Variants in MCC observed in about 807,000 individuals in gnomAD.
MCC encodes MCC regulator of Wnt signaling pathway, also known as colorectal mutant cancer protein.
MCC carries 90 observed loss-of-function variants against 116.2 expected under a neutral mutation model. The observed-to-expected ratio is 0.77, with a 90% confidence interval of 0.65 to 0.92. MCC has a LOEUF of 0.92. Ranked by LOEUF, MCC falls within the 40% of genes least tolerant of loss-of-function variation. The pLI, the probability that MCC is intolerant of heterozygous loss-of-function variation, is 0.00. For missense variants in MCC, 1,516 were observed against 1,312.2 expected, an observed-to-expected ratio of 1.16 and a Z score of -2.40; for synonymous variants, 578 against 510.5, an observed-to-expected ratio of 1.13 and a Z score of -1.78.
At chr5:113,073,957 G>T (rs1456311053) in intron 11 of MCC, among the ~76,000 whole-genome samples, 2 of 152,228 alleles carry the variant, frequency 1.3e-5, no homozygotes, top group African/African-American at 4.8e-5. Flanking sequence ...TGGGGGCAGG[G>T]CATAGCTGAA....
intron 5 of MCC, among the ~76,000 whole-genome samples, chr5:113,132,429 T>TATATATATATAC (rs1391978990): frequency 3.0e-4 from 4 of 13,444 alleles, no homozygotes; most frequent in African/African-American, 3.6e-4. Flanking sequence ...CACACATACA[T>TATATATATATAC]ATATATATAT....
chr5:113,399,583 A>G (rs1320513341), intron 1 of MCC, among the ~76,000 whole-genome samples: 2 of 152,174 alleles, frequency 1.3e-5, no homozygotes, highest in Non-Finnish European at 2.9e-5. Flanking sequence ...TTTTCCCCTC[A>G]GAACATAAAA....
At chr5:113,115,334 C>A (rs1757337064) in intron 6 of MCC, among the ~76,000 whole-genome samples, 1 of 152,222 alleles carries the variant, frequency 6.6e-6, no homozygotes. Context: ...GCCACCCCAC[C>A]ACATTCTGAC....
chr5:113,024,852 G>C lies in MCC; in HGVS notation c.*2450C>G, dbSNP rs888693327. On this transcript the variant is annotated 3_prime_UTR_variant, in exon 19 of 19. Transcript: ENST00000408903. ...GGAGTATTTGAAAAATACAAGAAAA[G>C]GAAAAACTTTTATAGCTTTTTTATT... is the stretch of plus-strand genomic sequence containing the variant. 1.3e-5 allele frequency: 2 copies of C among 151,964 alleles called. No homozygotes were observed. The highest frequency in any genetic ancestry group is 4.8e-5 in the African/African-American group (2 of 41,362). 9.4% of individuals were successfully genotyped at this position (151,964 alleles called of 1,614,324 possible). A position where few individuals can be genotyped will look rare whatever the true frequency, so the allele number is the denominator to read the frequency against.
At chr5:113,184,339 C>T (rs1243717213) in intron 3 of MCC, among the ~76,000 whole-genome samples, 1 of 152,182 alleles carries the variant, frequency 6.6e-6, no homozygotes, top group African/African-American at 2.4e-5. Flanking sequence ...ATATGCTAAG[C>T]ATAACTTATT....
At position 113,424,719 on chromosome 5, in the gene MCC, A is replaced by T. The variant is rs140286125; in HGVS notation, c.171-39507T>A. On this transcript the variant is annotated intron_variant, in intron 1 of 18. Transcript: ENST00000408903. ...TAGAGTGAGACTCCATCTCAAAAAAATTTTTTTTAAATTAAAAAATTAGAA... is the reference window on the plus strand; with the variant it reads ...TAGAGTGAGACTCCATCTCAAAAAATTTTTTTTTAAATTAAAAAATTAGAA... Among the ~76,000 whole-genome samples the T allele has an allele frequency of 1.4e-3, 209 of 152,214 alleles. 1 individual carries two copies. Among genetic ancestry groups the T allele is most frequent in the Middle Eastern group, 0.014 (4 of 294 alleles).
At chr5:113,183,479 T>G (rs1371467823) in intron 3 of MCC, among the ~76,000 whole-genome samples, 1 of 152,076 alleles carries the variant, frequency 6.6e-6, no homozygotes, top group African/African-American at 2.4e-5. Context: ...TGGCCTCTAA[T>G]GGAAACATGG....
intron 3 of MCC, among the ~76,000 whole-genome samples, chr5:113,275,974 T>TG (rs1282343867): frequency 3.9e-4 from 59 of 149,770 alleles, no homozygotes; most frequent in African/African-American, 1.3e-3. Flanking sequence ...TGTTTTGTTT[T>TG]TTTTTTTTTT....
chr5:113,110,814 A>G lies in MCC; in HGVS notation c.1028-6459T>C, dbSNP rs374017396. ...TGGCATGGCCTTTTTTTTATTTTTAAAACAGTTTTTGAGTTAACTGTCAAC... is the reference window on the plus strand; with the variant it reads ...TGGCATGGCCTTTTTTTTATTTTTAGAACAGTTTTTGAGTTAACTGTCAAC... On this transcript the variant is annotated intron_variant, in intron 6 of 18. Coordinates refer to ENST00000408903, the MANE Select transcript of MCC (RefSeq NM_001085377.2). Among the ~76,000 whole-genome samples, 5 of 152,298 alleles carry G rather than the reference A, an allele frequency of 3.3e-5. No individual in the cohort carries two copies. The East Asian group carries it at 5.8e-4, about 18-fold the overall frequency.
At chr5:113,287,863 T>C (rs1766324546) in intron 3 of MCC, among the ~76,000 whole-genome samples, 1 of 152,216 alleles carries the variant, frequency 6.6e-6, no homozygotes, top group Non-Finnish European at 1.5e-5. Flanking sequence ...CTAAGGTGCT[T>C]CCTTAAGATA....
chr5:113,344,831 T>C (rs1768095469), intron 2 of MCC, among the ~76,000 whole-genome samples: 1 of 152,110 alleles, frequency 6.6e-6, no homozygotes, highest in Non-Finnish European at 1.5e-5. Context: ...CTCAGAGCTA[T>C]GCTGGTTTCA....
intron 3 of MCC, among the ~76,000 whole-genome samples, chr5:113,232,726 T>C (rs573741138): frequency 2.6e-5 from 4 of 152,268 alleles, no homozygotes; most frequent in Admixed American, 2.6e-4. Context: ...GTATAATTAA[T>C]ATAATATTTA....
At chr5:113,276,805 AT>A (rs35658846) in intron 3 of MCC, among the ~76,000 whole-genome samples, 17,923 of 128,966 alleles carry the variant, frequency 0.14, 1,663 homozygotes, top group African/African-American at 0.28. Context: ...TTTTCTTCTT[AT>A]TTTTTTTTTT....
chr5:113,329,080 A>C (rs1451933841), intron 3 of MCC, among the ~76,000 whole-genome samples: 2 of 152,164 alleles, frequency 1.3e-5, no homozygotes, highest in Non-Finnish European at 2.9e-5. Context: ...TGTAATCCTC[A>C]AATTTCTCAC....
chr5:113,238,792 T>G (rs1764248898), intron 3 of MCC, among the ~76,000 whole-genome samples: 1 of 152,234 alleles, frequency 6.6e-6, no homozygotes, highest in African/African-American at 2.4e-5. Flanking sequence ...AGAAAAAGAC[T>G]AATGGTCTCA....
At chr5:113,407,906 G>C (rs996607879) in intron 1 of MCC, among the ~76,000 whole-genome samples, 3 of 152,076 alleles carry the variant, frequency 2.0e-5, no homozygotes, top group Non-Finnish European at 4.4e-5. Flanking sequence ...TTAAGAGTAG[G>C]AATCTTGAAA....
chr5:113,419,947 A>G (rs1363144226), intron 1 of MCC, among the ~76,000 whole-genome samples: 1 of 151,280 alleles, frequency 6.6e-6, no homozygotes, highest in Non-Finnish European at 1.5e-5. Flanking sequence ...GGTGCAGCAC[A>G]CCAACATGGC....
At chr5:113,126,816 G>A (rs1333930193) in intron 5 of MCC, among the ~76,000 whole-genome samples, 1 of 152,202 alleles carries the variant, frequency 6.6e-6, no homozygotes, top group East Asian at 1.9e-4. Context: ...TGAGCTATGT[G>A]TGGATTTTTA....
At chr5:113,097,609 A>G (rs28645351) in intron 8 of MCC, among the ~76,000 whole-genome samples, 69,554 of 152,068 alleles carry the variant, frequency 0.46, 17,488 homozygotes, top group African/African-American at 0.69. Context: ...AAGCAACACC[A>G]AGGGGAGGTA....
Sources: allele counts gnomAD v4.1 joint callset (sites outside exome capture counted in the v4.1 genomes callset), GRCh38; gene constraint gnomAD v4.1.1; transcripts MANE v1.5; gene names NCBI Gene and HGNC (gene_info 2026-07-23, HGNC 2026-07-21).